ZFYVE9: variants seen among roughly 807,000 people sequenced by gnomAD.
ZFYVE9 encodes the protein zinc finger FYVE domain-containing protein 9.
ZFYVE9 carries 43 observed loss-of-function variants against 126.7 expected under a neutral mutation model. The ratio of observed to expected loss-of-function variants is 0.34; its 90% CI spans 0.27 to 0.44. The LOEUF (loss-of-function observed/expected upper bound fraction) is 0.44. Ranked by LOEUF, ZFYVE9 falls within the 20% of genes least tolerant of loss-of-function variation. The pLI is 1.00. For synonymous variants in ZFYVE9, 521 were observed against 597.4 expected, an observed-to-expected ratio of 0.87 and a Z score of 1.87; for missense variants, 1,476 against 1,697.0, an observed-to-expected ratio of 0.87 and a Z score of 2.29.
intron 1 of ZFYVE9, among the ~76,000 whole-genome samples, chr1:52,169,820 T>G (rs1050080902): frequency 1.3e-5 from 2 of 152,226 alleles, no homozygotes; most frequent in Non-Finnish European, 2.9e-5. Context: ...CTTGCTATTA[T>G]GAAGTATTTG....
intron 13 of ZFYVE9, among the ~76,000 whole-genome samples, chr1:52,317,511 ACATCT>A (rs1646197481): frequency 6.6e-6 from 1 of 151,886 alleles, no homozygotes; most frequent in Non-Finnish European, 1.5e-5. Flanking sequence ...AGAAAAAAAG[ACATCT>A]CAAATCAATG....
chr1:52,270,200 A>G (rs1234333111), intron 7 of ZFYVE9, among the ~76,000 whole-genome samples: 1 of 152,174 alleles, frequency 6.6e-6, no homozygotes, highest in African/African-American at 2.4e-5. Flanking sequence ...CATGAGATGG[A>G]AACTTAACAT....
chr1:52,169,335 G>A (rs1644543088), intron 1 of ZFYVE9, among the ~76,000 whole-genome samples: 1 of 152,126 alleles, frequency 6.6e-6, no homozygotes, highest in South Asian at 2.1e-4. Context: ...AGGAGGTCAA[G>A]GCTGCCATGA....
At chr1:52,180,119 G>A in intron 1 of ZFYVE9, 1 of 990,986 alleles carries the variant, frequency 1.0e-6, no homozygotes, top group Non-Finnish European at 1.6e-6. Context: ...AAGAAGTTTT[G>A]GAGATCTCAG....
intron 1 of ZFYVE9, among the ~76,000 whole-genome samples, chr1:52,198,031 T>C (rs1055727065): frequency 6.6e-6 from 1 of 151,856 alleles, no homozygotes; most frequent in African/African-American, 2.4e-5. Context: ...GTAAAGACTT[T>C]GGAAGAAAAG....
Position 52,346,136 on chromosome 1 carries a change from C to G in ZFYVE9, c.4193C>G (p.Pro1398Arg). 1.9e-6 allele frequency: 3 copies of G among 1,613,454 alleles called. No individual in the cohort carries two copies. Among genetic ancestry groups the G allele is most frequent in the Non-Finnish European group, 2.5e-6 (3 of 1,179,546 alleles). ...AATGATCTGGACAGCGCCTTGGTGCCGGTGATCCATGGAGGGGCCTGCCAG... is the reference window on the plus strand; with the variant it reads ...AATGATCTGGACAGCGCCTTGGTGCGGGTGATCCATGGAGGGGCCTGCCAG... ...YMNDLDSALVPVIHGGACQLS... is the reference protein window; with the variant it reads ...YMNDLDSALVRVIHGGACQLS... The change falls in exon 19 of 19, where the codon CCG (proline) becomes CGG (arginine). Residue 1398 changes from proline (P) to arginine (R), a missense_variant. By Grantham distance (103) the Pro-to-Arg change is moderately radical (BLOSUM62 -2). Around this residue, in one of 2 missense-constraint regions of ZFYVE9, gnomAD observed 669 missense variants for 902.4 expected, o/e 0.74. Coordinates refer to ENST00000287727, the MANE Select transcript of ZFYVE9 (RefSeq NM_004799.4).
rs1054854768 is a variant in ZFYVE9, at chr1:52,263,947, CCCTG to C, written c.2278+79_2278+82del. 15 of 924,610 alleles carry C rather than the reference CCCTG, an allele frequency of 1.6e-5. No individual in the cohort carries two copies. The Admixed American group carries it at 3.6e-4, about 22-fold the overall frequency. 57.3% of individuals were successfully genotyped at this position (924,610 alleles called of 1,614,324 possible). A position where few individuals can be genotyped will look rare whatever the true frequency, so the allele number is the denominator to read the frequency against. On this transcript the variant is annotated intron_variant, in intron 5 of 18. Transcript: ENST00000287727. ...AATTACGATGAGAAGACTTTTTTCC[CCCTG>C]CCTTTCTTTACAAGTTGCTCACCTT...
Position 52,178,624 on chromosome 1 carries a change from C to T in ZFYVE9, c.-143+36221C>T, listed in dbSNP as rs551649984. Among the ~76,000 whole-genome samples, 20 of 152,160 alleles carry T rather than the reference C, an allele frequency of 1.3e-4. No individual in the cohort carries two copies. In the South Asian group the frequency reaches 1.7e-3, roughly 13 times the overall value. On this transcript the variant is annotated intron_variant, in intron 1 of 18. Transcript: ENST00000287727. ...GATTACAGGCATGAGCCACCTCGCCCGGCTTATTTGGTTGAAGATTTAGAA... is the reference window on the plus strand; with the variant it reads ...GATTACAGGCATGAGCCACCTCGCCTGGCTTATTTGGTTGAAGATTTAGAA...
rs1572067360 is a variant in ZFYVE9, at chr1:52,165,383, A to T, written c.-143+22980A>T. ...GGTTTGGTGGAGGGGCCTCATTGAGATCTTTCAATATGAATTAGAGAAAAG... is the reference window on the plus strand; with the variant it reads ...GGTTTGGTGGAGGGGCCTCATTGAGTTCTTTCAATATGAATTAGAGAAAAG... On this transcript the variant is annotated intron_variant, in intron 1 of 18. Transcript: ENST00000287727. 2.0e-5 allele frequency among the ~76,000 whole-genome samples: 3 copies of T among 152,186 alleles called. No individual in the cohort carries two copies. The East Asian group carries it at 5.8e-4, about 29-fold the overall frequency.
intron 1 of ZFYVE9, among the ~76,000 whole-genome samples, chr1:52,208,299 A>G (rs1463680534): frequency 1.3e-5 from 2 of 152,324 alleles, no homozygotes; most frequent in East Asian, 3.9e-4. Flanking sequence ...CAAGCCAGGT[A>G]TGTTCCATAT....
At chr1:52,180,774 G>A (rs960607628) in intron 1 of ZFYVE9, among the ~76,000 whole-genome samples, 4 of 151,960 alleles carry the variant, frequency 2.6e-5, no homozygotes, top group South Asian at 4.2e-4. Flanking sequence ...TTGGGAGTTC[G>A]ATACCAGCCT....
At chr1:52,264,232 T>G (rs923425471) in intron 5 of ZFYVE9, among the ~76,000 whole-genome samples, 1 of 152,214 alleles carries the variant, frequency 6.6e-6, no homozygotes, top group Admixed American at 6.5e-5. Flanking sequence ...GCTGAGATTT[T>G]CCTTTTAAGA....
At chr1:52,326,548 T>C (rs1303778093) in intron 13 of ZFYVE9, among the ~76,000 whole-genome samples, 6 of 152,040 alleles carry the variant, frequency 3.9e-5, no homozygotes, top group African/African-American at 1.4e-4. Flanking sequence ...AGGCCAGTAT[T>C]CAGATACTGT....
At chr1:52,283,445 GT>G (rs1645824422) in intron 10 of ZFYVE9, among the ~76,000 whole-genome samples, 1 of 152,182 alleles carries the variant, frequency 6.6e-6, no homozygotes, top group Non-Finnish European at 1.5e-5. Context: ...ATGGATCAAA[GT>G]CCGTGAGTCT....
At chr1:52,286,095 G>A (rs940270012) in intron 10 of ZFYVE9, among the ~76,000 whole-genome samples, 11 of 151,640 alleles carry the variant, frequency 7.3e-5, no homozygotes, top group African/African-American at 2.7e-4. Flanking sequence ...GGCAGAGGTT[G>A]CAGTGAGCCA....
At chr1:52,289,252 T>C (rs2147825158) in intron 10 of ZFYVE9, among the ~76,000 whole-genome samples, 1 of 152,308 alleles carries the variant, frequency 6.6e-6, no homozygotes, top group Non-Finnish European at 1.5e-5. Flanking sequence ...TTCTAGGTTT[T>C]ACTTTGCCAC....
rs139943554 is a variant in ZFYVE9 at position 52,168,214 on chromosome 1, C to CTTTTTT, written c.-143+25828_-143+25833dup. On this transcript the variant is annotated intron_variant, in intron 1 of 18. Coordinates refer to ENST00000287727, the MANE Select transcript of ZFYVE9 (RefSeq NM_004799.4). ...TCCTCCTCTTCCTCCTCTTCGTCTT[C>CTTTTTT]TTTTTTTTTTTTTTTTTTTTTTGAC... Among the ~76,000 whole-genome samples the CTTTTTT allele has an allele frequency of 7.6e-4, 87 of 114,998 alleles. 1 individual carries two copies. Among genetic ancestry groups the CTTTTTT allele is most frequent in the Non-Finnish European group, 1.0e-3 (57 of 57,002 alleles). The allele number at this position is 114,998 out of a possible 152,430, so 75.4% of individuals were successfully genotyped here.
intron 1 of ZFYVE9, among the ~76,000 whole-genome samples, chr1:52,207,751 T>G (rs1644991243): frequency 6.6e-6 from 1 of 152,234 alleles, no homozygotes; most frequent in African/African-American, 2.4e-5. Context: ...AATGGATTAT[T>G]AATTGTATAA....
At chr1:52,235,113 C>T (rs1388616184) in intron 3 of ZFYVE9, among the ~76,000 whole-genome samples, 2 of 152,048 alleles carry the variant, frequency 1.3e-5, no homozygotes, top group Admixed American at 1.3e-4. Context: ...ATAATAACTC[C>T]TTTAGAAGGA....
Sources: gnomAD v4.1 joint callset for allele counts (sites outside exome capture counted in the v4.1 genomes callset) on GRCh38, gnomAD v4.1.1 for gene constraint, gnomAD v4.1.1 regional missense constraint, MANE v1.5 for transcripts, NCBI Gene and HGNC (gene_info 2026-07-23, HGNC 2026-07-21) for gene names.